ACO2: variants seen among roughly 807,000 people sequenced by gnomAD.
ACO2 encodes aconitate hydratase, mitochondrial.
ACO2 carries 31 observed loss-of-function variants against 84.5 expected under a neutral mutation model. The observed-to-expected ratio is 0.37, with a 90% CI of 0.28 to 0.50. ACO2 has a LOEUF of 0.50. ACO2 is among the 20% of genes least tolerant of loss of function. The pLI is 0.97. For missense variants in ACO2, 685 were observed against 1,029.3 expected (o/e 0.67, Z 4.58); for synonymous variants, 414 against 412.7 (o/e 1.00, Z -0.04).
At chr22:41,517,739 C>T in intron 7 of ACO2, 108 bp downstream of exon 7, 1 of 984,460 alleles carries the variant, frequency 1.0e-6, no homozygotes, top group Admixed American at 2.0e-5. Context: ...AACCCATTGT[C>T]TCCAGACAGG....
rs1249955629 is a variant in ACO2, at chr22:41,469,143, C to A, written c.-4C>A. ...ATGCGACCTCATCTTTGTCAGTGCA[C>A]AAAATGGCGCCCTACAGCCTACTGG... On this transcript the variant is annotated 5_prime_UTR_variant, in exon 1 of 18. Coordinates refer to ENST00000216254, the MANE Select transcript of ACO2 (RefSeq NM_001098.3). The A allele has an allele frequency of 4.4e-6, 7 of 1,608,948 alleles. No individual in the cohort carries two copies. The highest frequency in any genetic ancestry group is 5.9e-6 in the Non-Finnish European group (7 of 1,177,520).
In ACO2 at chr22:41,526,351, G is replaced by C; in HGVS notation, c.1851G>C (p.Leu617=). ...RGHLDNISNN[L]LIGAINIENG... ...ACTTGGATAACATCTCCAACAACCT[G>C]CTCATTGGTGCCATCAACATTGAAA... Residue 617 remains leucine (L), a synonymous_variant, in exon 15 of 18, where the codon CTG becomes CTC. Transcript: ENST00000216254. 1 of 1,613,538 alleles carries C rather than the reference G, an allele frequency of 6.2e-7. No individual in the cohort carries two copies. The highest frequency in any genetic ancestry group is 8.5e-7 in the Non-Finnish European group (1 of 1,180,034).
intron 14 of ACO2, 135 bp downstream of exon 14, chr22:41,525,483 T>G (rs2066574957): frequency 8.7e-7 from 1 of 1,154,524 alleles, no homozygotes; most frequent in Non-Finnish European, 1.2e-6. Context: ...GAGGTTTGGC[T>G]GCAGAGCAGA....
At chr22:41,469,955 C>G (rs986867361) in intron 1 of ACO2, among the ~76,000 whole-genome samples, 2 of 152,150 alleles carry the variant, frequency 1.3e-5, no homozygotes. Flanking sequence ...TTATGTCAGC[C>G]TGCCCTCACA....
chr22:41,483,021 T>A (rs1032263866), intron 1 of ACO2, among the ~76,000 whole-genome samples: 6 of 152,106 alleles, frequency 3.9e-5, no homozygotes, highest in Non-Finnish European at 7.4e-5. Context: ...CCAGGGGGCT[T>A]ATGGGAGTTG....
chr22:41,528,161 C>G (rs1298985222), intron 17 of ACO2, 139 bp downstream of exon 17: 36 of 1,344,662 alleles, frequency 2.7e-5, no homozygotes, highest in Non-Finnish European at 3.5e-5. Context: ...GGTGGCCCCA[C>G]AGAGAAAGCA....
chr22:41,469,476 C>T, intron 1 of ACO2: 1 of 415,092 alleles, frequency 2.4e-6, no homozygotes, highest in Non-Finnish European at 4.3e-6. Flanking sequence ...ACAGCATTGC[C>T]TGCTCCCGTG....
intron 2 of ACO2, among the ~76,000 whole-genome samples, chr22:41,502,909 C>T (rs2066363802): frequency 6.8e-6 from 1 of 146,502 alleles, no homozygotes; most frequent in Non-Finnish European, 1.5e-5. Context: ...TGCGCCTGGC[C>T]TTTTTTTTTT....
At chr22:41,493,451 C>T (rs2146099029) in intron 1 of ACO2, among the ~76,000 whole-genome samples, 1 of 152,310 alleles carries the variant, frequency 6.6e-6, no homozygotes, top group East Asian at 1.9e-4. Flanking sequence ...TCTCACTGCT[C>T]TGAAGCCAGG....
At chr22:41,498,633 G>A (rs1031232409) in intron 1 of ACO2, among the ~76,000 whole-genome samples, 1 of 152,118 alleles carries the variant, frequency 6.6e-6, no homozygotes, top group African/African-American at 2.4e-5. Context: ...TGTCTAGGTG[G>A]GCCTCTCCCA....
At chr22:41,523,020 C>A (rs1179502148) in intron 10 of ACO2, 33 bp downstream of exon 10, 6 of 1,611,090 alleles carry the variant, frequency 3.7e-6, no homozygotes, top group Non-Finnish European at 5.1e-6. Flanking sequence ...CCATCTCCCC[C>A]ACCCCATGCT....
At chr22:41,479,437 G>A (rs939478813) in intron 1 of ACO2, among the ~76,000 whole-genome samples, 10 of 152,198 alleles carry the variant, frequency 6.6e-5, no homozygotes, top group Admixed American at 5.9e-4. Flanking sequence ...GAGTCCCAGA[G>A]AGGTTAAATA....
rs1200238254 is a variant in ACO2, at chr22:41,515,568, C to T, written c.684+33C>T. 2.5e-6 allele frequency: 4 copies of T among 1,589,784 alleles called. No homozygotes were observed. The highest frequency in any genetic ancestry group is 3.4e-6 in the Non-Finnish European group (4 of 1,166,998). On this transcript the variant is annotated intron_variant, in intron 5 of 17. Transcript: ENST00000216254. The surrounding 1 kb of genome is among the most constrained non-coding windows in gnomAD (Gnocchi z 5.8). Reference sequence around the variant, plus strand: ...TGGGGAGGGACTCATTCTGGGCTGGCTGTGGGGTGGTGGTTGGTGGGGATG... The same window carrying T: ...TGGGGAGGGACTCATTCTGGGCTGGTTGTGGGGTGGTGGTTGGTGGGGATG...
chr22:41,524,640 C>T (rs1009527787), intron 12 of ACO2, among the ~76,000 whole-genome samples: 1 of 152,260 alleles, frequency 6.6e-6, no homozygotes, highest in South Asian at 2.1e-4. Context: ...CCGCACTGCC[C>T]TTGGCTTCCT....
rs2066539193 is a variant in ACO2, at chr22:41,523,000, A to G, written c.1296+13A>G. The G allele has an allele frequency of 6.2e-7, 1 of 1,613,696 alleles. No homozygotes were observed. The highest frequency in any genetic ancestry group is 8.5e-7 in the Non-Finnish European group (1 of 1,179,730). ...GCGGGACGGCTATGTGAGTGCCCAT[A>G]TCCCCCTGCCCATCTCCCCCACCCC... On this transcript the variant is annotated intron_variant, in intron 10 of 17. Coordinates refer to ENST00000216254, the MANE Select transcript of ACO2 (RefSeq NM_001098.3).
chr22:41,516,245 A>C (rs866984270), intron 6 of ACO2: 1 of 578,760 alleles, frequency 1.7e-6, no homozygotes, highest in Non-Finnish European at 3.1e-6. Flanking sequence ...ATCTAGACGA[A>C]TCCAGAGAGG....
chr22:41,520,070 G>A, intron 8 of ACO2, 101 bp from the exon 9 acceptor site: 1 of 989,280 alleles, frequency 1.0e-6, no homozygotes, highest in Non-Finnish European at 1.5e-6. Flanking sequence ...GAAAGTCGTT[G>A]GCCTCTCTGT....
chr22:41,526,578 C>T (rs1009985355), intron 15 of ACO2, 125 bp downstream of exon 15: 16 of 1,106,794 alleles, frequency 1.4e-5, no homozygotes, highest in Non-Finnish European at 1.9e-5. Flanking sequence ...AAGGGGACTG[C>T]TGTGGAAGGG....
chr22:41,516,653 C>T (rs1248172785), intron 6 of ACO2, among the ~76,000 whole-genome samples: 1 of 152,238 alleles, frequency 6.6e-6, no homozygotes, highest in Non-Finnish European at 1.5e-5. Context: ...GTAGCAGCTG[C>T]AGTACCTGTG....
Sources: allele counts gnomAD v4.1 joint callset (sites outside exome capture counted in the v4.1 genomes callset), GRCh38; gene constraint gnomAD v4.1.1; non-coding constraint Gnocchi (gnomAD v3.1); transcripts MANE v1.5; gene names NCBI Gene and HGNC (gene_info 2026-07-23, HGNC 2026-07-21).